The following CAB39 variants were observed in gnomAD, a reference collection of about 807,000 sequenced individuals.
CAB39 encodes calcium-binding protein 39.
Under a neutral mutation model 40.0 loss-of-function variants are expected in CAB39, and 8 were observed. That is an observed-to-expected ratio of 0.20 (90% CI 0.12 to 0.36). The LOEUF is 0.36. CAB39 is among the 10% of genes least tolerant of loss of function. The pLI, the probability that CAB39 is intolerant of heterozygous loss-of-function variation, is 1.00. For synonymous variants in CAB39, 156 were observed against 141.6 expected (o/e 1.10, Z -0.72); for missense variants, 270 against 401.1 (o/e 0.67, Z 2.79).
In CAB39 at chr2:230,817,693, T is replaced by C. The variant is rs1696426486; in HGVS notation, c.694-61T>C. 5 of 1,370,652 alleles carry C rather than the reference T, an allele frequency of 3.6e-6. No homozygotes were observed. The South Asian group carries it at 5.4e-5, about 15-fold the overall frequency. The allele number at this position is 1,370,652 out of a possible 1,614,324, so 84.9% of individuals were successfully genotyped here. Reference sequence around the variant, plus strand: ...TGATGATTATAAAATAAATTGTTTTTTTAAACTTTGATTTTTCTTTAAGTT... The same window carrying C: ...TGATGATTATAAAATAAATTGTTTTCTTAAACTTTGATTTTTCTTTAAGTT... On this transcript the variant is annotated intron_variant, in intron 7 of 8. Transcript: ENST00000258418.
At chr2:230,807,707 A>C (rs556575008) in intron 5 of CAB39, among the ~76,000 whole-genome samples, 125 of 152,302 alleles carry the variant, frequency 8.2e-4, no homozygotes, top group Non-Finnish European at 2.5e-4. Flanking sequence ...CGCTTCTCTC[A>C]AACCTTCAGT....
intron 1 of CAB39, among the ~76,000 whole-genome samples, chr2:230,735,668 C>T (rs1694776438): frequency 6.6e-6 from 1 of 151,910 alleles, no homozygotes; most frequent in Non-Finnish European, 1.5e-5. Flanking sequence ...TGCGCATCAC[C>T]ACACTCAGCT....
chr2:230,771,296 G>A (rs1695478762), intron 2 of CAB39, among the ~76,000 whole-genome samples: 1 of 151,956 alleles, frequency 6.6e-6, no homozygotes, highest in South Asian at 2.1e-4. Context: ...AGTGTTAGGT[G>A]TAATTGGGAA....
chr2:230,795,926 AC>A (rs1184456068), intron 4 of CAB39, among the ~76,000 whole-genome samples: 1 of 151,938 alleles, frequency 6.6e-6, no homozygotes, highest in East Asian at 1.9e-4. Context: ...TTATAAACTC[AC>A]GTTTTTGTCT....
intron 2 of CAB39, among the ~76,000 whole-genome samples, chr2:230,781,615 A>G (rs376289018): frequency 2.0e-5 from 3 of 152,212 alleles, no homozygotes; most frequent in Non-Finnish European, 1.5e-5. Context: ...ATTAGGTGAC[A>G]TGATGATTCA....
intron 2 of CAB39, among the ~76,000 whole-genome samples, chr2:230,762,722 A>G (rs1419460328): frequency 1.3e-5 from 2 of 152,250 alleles, no homozygotes; most frequent in African/African-American, 2.4e-5. Flanking sequence ...CATTCTATTC[A>G]TCAGAATCGT....
chr2:230,819,759 C>G lies in CAB39; in HGVS notation c.*1055C>G, dbSNP rs549272353. The G allele has an allele frequency of 1.4e-4, 22 of 152,366 alleles. No individual in the cohort carries two copies. Among genetic ancestry groups the G allele is most frequent in the African/African-American group, 5.3e-4 (22 of 41,564 alleles). The allele number at this position is 152,366 out of a possible 1,614,324, so 9.4% of individuals were successfully genotyped here. On this transcript the variant is annotated 3_prime_UTR_variant, in exon 9 of 9. Transcript: ENST00000258418. ...AGCCCTGGAGCTCAGTCAGCCACAC[C>G]TTCCTGCATCCTATTGGCCTTATTC...
At chr2:230,808,378 C>T (rs1441491070) in intron 5 of CAB39, among the ~76,000 whole-genome samples, 1 of 152,152 alleles carries the variant, frequency 6.6e-6, no homozygotes, top group Admixed American at 6.5e-5. Flanking sequence ...GCAGTGAACC[C>T]TACAGACAAA....
chr2:230,783,310 G>GT (rs1462664977), intron 2 of CAB39, among the ~76,000 whole-genome samples: 6 of 152,178 alleles, frequency 3.9e-5, no homozygotes, highest in Non-Finnish European at 8.8e-5. Context: ...GTTCAGTGCT[G>GT]TAACTCTTTG....
At chr2:230,795,335 C>T (rs1435449489) in intron 4 of CAB39, among the ~76,000 whole-genome samples, 1 of 151,308 alleles carries the variant, frequency 6.6e-6, no homozygotes, top group Non-Finnish European at 1.5e-5. Flanking sequence ...ATACTCTGAG[C>T]TCTCTTTTAA....
chr2:230,810,167 CAA>C (rs1696279384), intron 5 of CAB39, 94 bp from the exon 6 acceptor site: 1 of 599,150 alleles, frequency 1.7e-6, no homozygotes, highest in African/African-American at 2.0e-5. Flanking sequence ...TGATTTTTAA[CAA>C]CAGTTTTTAT....
At chr2:230,729,931 G>GA (rs1010224883) in intron 1 of CAB39, among the ~76,000 whole-genome samples, 5 of 152,048 alleles carry the variant, frequency 3.3e-5, no homozygotes, top group African/African-American at 7.2e-5. Context: ...AAATTTAAGT[G>GA]AAAAAAGACT....
chr2:230,770,450 T>C (rs1575933974), intron 2 of CAB39, among the ~76,000 whole-genome samples: 1 of 152,330 alleles, frequency 6.6e-6, no homozygotes, highest in East Asian at 1.9e-4. Context: ...ATGTAGTTAA[T>C]ACCCTTCCTT....
chr2:230,783,587 C>A (rs1184466476), intron 2 of CAB39, among the ~76,000 whole-genome samples: 2 of 151,396 alleles, frequency 1.3e-5, no homozygotes, highest in Non-Finnish European at 2.9e-5. Flanking sequence ...CCACCCCCAC[C>A]CCCCAGGCTC....
At chr2:230,764,319 T>C (rs1695345466) in intron 2 of CAB39, among the ~76,000 whole-genome samples, 2 of 152,194 alleles carry the variant, frequency 1.3e-5, no homozygotes, top group African/African-American at 4.8e-5. Context: ...AAAATAGGCT[T>C]TGGGTAAGAG....
Position 230,749,052 on chromosome 2 carries a change from TCAC to T in CAB39, c.-43-10906_-43-10904del, listed in dbSNP as rs1327189784. 4.7e-4 allele frequency among the ~76,000 whole-genome samples: 69 copies of T among 148,234 alleles called. 1 individual carries two copies. Among genetic ancestry groups the T allele is most frequent in the African/African-American group, 1.5e-3 (61 of 40,804 alleles). ...TTGTTGGAGTGTTGCATTGTTGCCTTCACAACCTCCAAGGTAACCAAAGAAAAT... is the reference window on the plus strand; with the variant it reads ...TTGTTGGAGTGTTGCATTGTTGCCTTAACCTCCAAGGTAACCAAAGAAAAT... On this transcript the variant is annotated intron_variant, in intron 1 of 8. Coordinates refer to ENST00000258418, the MANE Select transcript of CAB39 (RefSeq NM_016289.4).
At chr2:230,752,393 A>G (rs1471879669) in intron 1 of CAB39, 2 of 152,196 alleles carry the variant, frequency 1.3e-5, no homozygotes, top group African/African-American at 4.8e-5. Flanking sequence ...TTTATTTCTC[A>G]CAGTTCTGAA....
chr2:230,747,338 T>C (rs1326332602), intron 1 of CAB39, among the ~76,000 whole-genome samples: 1 of 152,242 alleles, frequency 6.6e-6, no homozygotes, highest in African/African-American at 2.4e-5. Flanking sequence ...TTTCCAAAAA[T>C]TATTTCACGG....
intron 5 of CAB39, among the ~76,000 whole-genome samples, chr2:230,804,044 A>G (rs1696143304): frequency 6.6e-6 from 1 of 152,234 alleles, no homozygotes; most frequent in Non-Finnish European, 1.5e-5. Context: ...CTGGTACCAA[A>G]ACAGAGATAT....
Sources: allele counts gnomAD v4.1 joint callset (sites outside exome capture counted in the v4.1 genomes callset), GRCh38; gene constraint gnomAD v4.1.1; transcripts MANE v1.5; gene names NCBI Gene and HGNC (gene_info 2026-07-23, HGNC 2026-07-21).